The following KCTD6 variants were observed in gnomAD, a reference collection of about 807,000 sequenced individuals.
KCTD6 encodes potassium channel tetramerization domain containing 6, also known as BTB/POZ domain-containing protein KCTD6.
In KCTD6, 6 loss-of-function variants were observed where a neutral mutation model predicts 18.7. The ratio of observed to expected loss-of-function variants is 0.32; its 90% CI spans 0.18 to 0.63. The LOEUF is 0.63. Ranked by LOEUF, KCTD6 falls within the 30% of genes least tolerant of loss-of-function variation. The pLI is 0.79. For missense variants in KCTD6, 165 were observed against 300.2 expected (o/e 0.55, Z 3.33); for synonymous variants, 86 against 108.5 (o/e 0.79, Z 1.29).
chr3:58,500,018 G>T (rs2063197749), intron 2 of KCTD6, among the ~76,000 whole-genome samples: 1 of 152,068 alleles, frequency 6.6e-6, no homozygotes, highest in African/African-American at 2.4e-5. Flanking sequence ...TGGCTTGGTT[G>T]TATTGACTAA....
rs1235529046 is a variant in KCTD6 at position 58,492,462 on chromosome 3, G to T, written c.-44+293G>T. On this transcript the variant is annotated intron_variant, in intron 1 of 2. Transcript: ENST00000404589. This position sits in a 1 kb window ranked among gnomAD's most constrained non-coding sequence, Gnocchi z 6.1. ...GCCCCGCGGCGCGCCCCTCGTCCGG[G>T]CCCGGAGCATCGCCCGCCCTACCCC... is the stretch of plus-strand genomic sequence containing the variant. Among the ~76,000 whole-genome samples, 1 of 151,764 alleles carries T rather than the reference G, an allele frequency of 6.6e-6. No homozygotes were observed. Among genetic ancestry groups the T allele is most frequent in the East Asian group, 1.9e-4 (1 of 5,154 alleles).
chr3:58,496,447 G>A lies in KCTD6; in HGVS notation c.-43-2266G>A, dbSNP rs565329012. On this transcript the variant is annotated intron_variant, in intron 1 of 2. Transcript: ENST00000404589. This position sits in a 1 kb window ranked among gnomAD's most constrained non-coding sequence, Gnocchi z 5.1. Reference sequence around the variant, plus strand: ...TCTCTGTTTTGCATCTTTAAGATGAGGATAGTAATCCCTGCTCGGCCTACT... The same window carrying A: ...TCTCTGTTTTGCATCTTTAAGATGAAGATAGTAATCCCTGCTCGGCCTACT... Among the ~76,000 whole-genome samples the A allele has an allele frequency of 2.0e-5, 3 of 152,274 alleles. No homozygotes were observed. The highest frequency in any genetic ancestry group is 2.0e-4 in the Admixed American group (3 of 15,290).
At position 58,493,535 on chromosome 3, in the gene KCTD6, A is replaced by G. The variant is rs2063163782; in HGVS notation, c.-44+1366A>G. On this transcript the variant is annotated intron_variant, in intron 1 of 2. Transcript: ENST00000404589. This position sits in a 1 kb window ranked among gnomAD's most constrained non-coding sequence, Gnocchi z 4.5. ...ATGCTTTAAAGAAGTTCCTTCTGAG[A>G]TCAGGAGCTCAGGTGTTTGGTGAAC... Among the ~76,000 whole-genome samples, 1 of 152,204 alleles carries G rather than the reference A, an allele frequency of 6.6e-6. No homozygotes were observed. The highest frequency in any genetic ancestry group is 1.5e-5 in the Non-Finnish European group (1 of 68,036).
At chr3:58,499,005 T>C (rs1300453313) in intron 2 of KCTD6, among the ~76,000 whole-genome samples, 1 of 152,176 alleles carries the variant, frequency 6.6e-6, no homozygotes, top group Non-Finnish European at 1.5e-5. Flanking sequence ...AGTCTCGCCT[T>C]CTTGCCCAGG....
Position 58,500,965 on chromosome 3 carries a change from T to A in KCTD6, c.47T>A (p.Leu16Ter). 1 of 1,571,358 alleles carries A rather than the reference T, an allele frequency of 6.4e-7. No homozygotes were observed. The highest frequency in any genetic ancestry group is 8.6e-7 in the Non-Finnish European group (1 of 1,159,248). Residue 16 changes from leucine (L) to a stop codon, truncating the protein, a stop_gained, in exon 3 of 3, where the codon TTA (leucine) becomes TAA (stop). Transcript: ENST00000404589. LOFTEE classifies it high-confidence loss of function. The part of the protein sequence containing the change: ...WGYMMTDPVT[L>*]NVGGHLYTTS... ...TTTCAGATGACTGACCCAGTCACAT[T>A]AAATGTAGGTGGACACTTGTATACA...
chr3:58,500,463 C>T (rs1156644056), intron 2 of KCTD6: 2 of 151,700 alleles, frequency 1.3e-5, no homozygotes, highest in Non-Finnish European at 2.9e-5. Context: ...ATAGTTTGTT[C>T]CTTTTGTTTG....
chr3:58,500,628 A>T lies in KCTD6; in HGVS notation c.28-318A>T, dbSNP rs944608189. Reference sequence around the variant, plus strand: ...TTTAGCGTGGCTTTTCCCTTCCCACATATATTCTGGCCTGAAAACTCTATA... The same window carrying T: ...TTTAGCGTGGCTTTTCCCTTCCCACTTATATTCTGGCCTGAAAACTCTATA... On this transcript the variant is annotated intron_variant, in intron 2 of 2. Transcript: ENST00000404589. 2.0e-5 allele frequency among the ~76,000 whole-genome samples: 3 copies of T among 152,170 alleles called. No individual in the cohort carries two copies. In the East Asian group the frequency reaches 5.8e-4, roughly 29 times the overall value.
At position 58,501,073 on chromosome 3, in the gene KCTD6, C is replaced by T; in HGVS notation, c.155C>T (p.Pro52Leu). 5.0e-6 allele frequency: 8 copies of T among 1,614,212 alleles called. No individual in the cohort carries two copies. The highest frequency in any genetic ancestry group is 6.8e-6 in the Non-Finnish European group (8 of 1,180,028). The change falls in exon 3 of 3, where the codon CCT (proline) becomes CTT (leucine). Residue 52 changes from proline to leucine, a missense_variant. Transcript: ENST00000404589. The surrounding 1 kb of genome is among the most constrained non-coding windows in gnomAD (Gnocchi z 9.7). ...FGGDFPTARD[P>L]QGNYFIDRDG... ...GGGGACTTCCCCACAGCTCGAGACCCTCAAGGCAATTACTTTATTGATCGA... is the reference window on the plus strand; with the variant it reads ...GGGGACTTCCCCACAGCTCGAGACCTTCAAGGCAATTACTTTATTGATCGA...
chr3:58,494,267 G>A (rs917792617), intron 1 of KCTD6: 14 of 152,162 alleles, frequency 9.2e-5, no homozygotes, highest in African/African-American at 3.1e-4. Flanking sequence ...TTGTATGCCT[G>A]GCTACTTATG....
At chr3:58,500,812 T>G in intron 2 of KCTD6, 134 bp from the exon 3 acceptor site, 1 of 541,902 alleles carries the variant, frequency 1.8e-6, no homozygotes, top group East Asian at 3.1e-5. Flanking sequence ...AAAGTCATTT[T>G]GCATTAGAGG....
intron 1 of KCTD6, among the ~76,000 whole-genome samples, chr3:58,495,187 T>C (rs576221126): frequency 6.6e-6 from 1 of 152,310 alleles, no homozygotes; most frequent in East Asian, 1.9e-4. Context: ...TTTCTTTGCT[T>C]TCATCAAGTA....
At position 58,498,781 on chromosome 3, in the gene KCTD6, T is replaced by C; in HGVS notation, c.26T>C (p.Met9Thr). The C allele has an allele frequency of 6.2e-7, 1 of 1,611,330 alleles. No homozygotes were observed. Among genetic ancestry groups the C allele is most frequent in the Non-Finnish European group, 8.5e-7 (1 of 1,178,682 alleles). Residue 9 changes from methionine (M) to threonine (T), a missense_variant and splice_region_variant, in exon 2 of 3, where the codon ATG becomes ACG. Met to Thr is a moderately conservative substitution (Grantham distance 81). Around this residue, in one of 2 missense-constraint regions of KCTD6, gnomAD observed 59 missense variants for 69.9 expected, o/e 0.84. Transcript: ENST00000404589. This position sits in a 1 kb window ranked among gnomAD's most constrained non-coding sequence, Gnocchi z 4.6. ...ATGGATAATGGAGACTGGGGCTATA[T>C]GGTGAGTGCTTCTTGGAGATGCATT... MDNGDWGY[M>T]MTDPVTLNVG...
At chr3:58,494,694 T>C (rs2063168553) in intron 1 of KCTD6, among the ~76,000 whole-genome samples, 1 of 152,218 alleles carries the variant, frequency 6.6e-6, no homozygotes, top group Admixed American at 6.5e-5. Context: ...TCTGCAGTGA[T>C]AGGGAGAATG....
In KCTD6 at chr3:58,498,716, C is replaced by T. The variant is rs186296915; in HGVS notation, c.-40C>T. ...GTCTGTTTTTCTCCTCTTGAAGTTTCCCTGAAACCTGGGCTCTTGAAGACG... is the reference window on the plus strand; with the variant it reads ...GTCTGTTTTTCTCCTCTTGAAGTTTTCCTGAAACCTGGGCTCTTGAAGACG... On this transcript the variant is annotated 5_prime_UTR_variant, in exon 2 of 3. Transcript: ENST00000404589. This position sits in a 1 kb window ranked among gnomAD's most constrained non-coding sequence, Gnocchi z 4.6. The T allele has an allele frequency of 4.4e-5, 69 of 1,567,542 alleles. No homozygotes were observed. The East Asian group carries it at 1.3e-3, about 30-fold the overall frequency.
Position 58,496,674 on chromosome 3 carries a change from T to C in KCTD6, c.-43-2039T>C, listed in dbSNP as rs1347424212. Among the ~76,000 whole-genome samples the C allele has an allele frequency of 1.3e-5, 2 of 152,240 alleles. No individual in the cohort carries two copies. The highest frequency in any genetic ancestry group is 2.9e-5 in the Non-Finnish European group (2 of 68,036). ...CGGGCCTCTGCTGGTCCATCTGTTA[T>C]ACAGCACTTTGAATTCTGTTCTGTA... On this transcript the variant is annotated intron_variant, in intron 1 of 2. Coordinates refer to ENST00000404589, the MANE Select transcript of KCTD6 (RefSeq NM_001128214.2). The surrounding 1 kb of genome is among the most constrained non-coding windows in gnomAD (Gnocchi z 5.1).
chr3:58,499,483 G>T (rs1339128965), intron 2 of KCTD6, among the ~76,000 whole-genome samples: 2 of 149,848 alleles, frequency 1.3e-5, no homozygotes, highest in African/African-American at 2.5e-5. Flanking sequence ...TATTCCTTTG[G>T]TGTAAGGTAT....
chr3:58,498,791 T>C lies in KCTD6; in HGVS notation c.27+9T>C, dbSNP rs757253465. 6.2e-7 allele frequency: 1 copy of C among 1,608,962 alleles called. No homozygotes were observed. Among genetic ancestry groups the C allele is most frequent in the Non-Finnish European group, 8.5e-7 (1 of 1,177,178 alleles). ...GAGACTGGGGCTATATGGTGAGTGCTTCTTGGAGATGCATTTTGAAGGCTG... is the reference window on the plus strand; with the variant it reads ...GAGACTGGGGCTATATGGTGAGTGCCTCTTGGAGATGCATTTTGAAGGCTG... On this transcript the variant is annotated intron_variant, in intron 2 of 2. Transcript: ENST00000404589. The surrounding 1 kb of genome is among the most constrained non-coding windows in gnomAD (Gnocchi z 4.6).
rs910313803 is a variant in KCTD6, at chr3:58,496,921, T to C, written c.-43-1792T>C. On this transcript the variant is annotated intron_variant, in intron 1 of 2. Transcript: ENST00000404589. This position sits in a 1 kb window ranked among gnomAD's most constrained non-coding sequence, Gnocchi z 5.1. ...AAAGATGAGCATCTTACCAGAACTTTTGGATGAGTGGCCTTTTAAATTGCT... is the reference window on the plus strand; with the variant it reads ...AAAGATGAGCATCTTACCAGAACTTCTGGATGAGTGGCCTTTTAAATTGCT... 6.6e-6 allele frequency among the ~76,000 whole-genome samples: 1 copy of C among 152,198 alleles called. No individual in the cohort carries two copies. Among genetic ancestry groups the C allele is most frequent in the Non-Finnish European group, 1.5e-5 (1 of 68,032 alleles).
chr3:58,495,990 A>G (rs4681687), intron 1 of KCTD6, among the ~76,000 whole-genome samples: 1 of 151,752 alleles, frequency 6.6e-6, no homozygotes, highest in Admixed American at 6.6e-5. Flanking sequence ...TGCAACATTG[A>G]TGTCTGCTTT....
Sources: allele counts gnomAD v4.1 joint callset (sites outside exome capture counted in the v4.1 genomes callset), GRCh38; gene constraint gnomAD v4.1.1; regional missense constraint gnomAD v4.1.1; non-coding constraint Gnocchi (gnomAD v3.1); transcripts MANE v1.5; gene names NCBI Gene and HGNC (gene_info 2026-07-23, HGNC 2026-07-21).